STPG4: variants seen among roughly 807,000 people sequenced by gnomAD.
STPG4 encodes protein STPG4.
In STPG4, 41 loss-of-function variants were observed where a neutral mutation model predicts 31.5. The ratio of observed to expected loss-of-function variants is 1.30; its 90% CI spans 1.01 to 1.69. STPG4 has a LOEUF of 1.69. Among genes scored for constraint, STPG4 ranks in the 40% most tolerant of loss-of-function variants. The probability of loss-of-function intolerance (pLI) is 0.00; values close to 1 mark genes in which losing one functional copy is unlikely to be tolerated. For missense variants in STPG4, 375 were observed against 293.4 expected, an observed-to-expected ratio of 1.28 and a Z score of -2.03; for synonymous variants, 141 against 103.0, an observed-to-expected ratio of 1.37 and a Z score of -2.24.
chr2:47,125,483 C>T (rs1390715950), intron 5 of STPG4, among the ~76,000 whole-genome samples: 1 of 152,108 alleles, frequency 6.6e-6, no homozygotes, highest in Non-Finnish European at 1.5e-5. Context: ...GTTATTAATC[C>T]TTTGTCAGAC....
At chr2:47,152,614 G>A (rs1686960182) in intron 2 of STPG4, among the ~76,000 whole-genome samples, 1 of 152,086 alleles carries the variant, frequency 6.6e-6, no homozygotes, top group African/African-American at 2.4e-5. Flanking sequence ...TACCATATAA[G>A]ATAAAAACTG....
intron 5 of STPG4, among the ~76,000 whole-genome samples, chr2:47,092,478 T>C (rs768346018): frequency 8.8e-5 from 13 of 147,622 alleles, no homozygotes; most frequent in Non-Finnish European, 1.9e-4. Flanking sequence ...CAGTGAGCCA[T>C]GATCATGTCA....
At chr2:47,111,289 T>A (rs958261771) in intron 5 of STPG4, among the ~76,000 whole-genome samples, 1 of 152,162 alleles carries the variant, frequency 6.6e-6, no homozygotes, top group Non-Finnish European at 1.5e-5. Context: ...GATTAATAAG[T>A]AGTCATCAAA....
chr2:47,142,682 GA>G (rs1283888034), intron 3 of STPG4, among the ~76,000 whole-genome samples: 3 of 151,810 alleles, frequency 2.0e-5, no homozygotes, highest in African/African-American at 7.3e-5. Context: ...TTTCTCAGGG[GA>G]AAAAAGTATG....
intron 5 of STPG4, among the ~76,000 whole-genome samples, chr2:47,125,186 C>T (rs1002643249): frequency 2.9e-4 from 44 of 152,068 alleles, no homozygotes; most frequent in African/African-American, 1.0e-3. Context: ...TTTGGGAGGC[C>T]AAGGTGGGCA....
chr2:47,130,319 A>T, intron 3 of STPG4, 59 bp from the exon 4 acceptor site: 4 of 1,346,858 alleles, frequency 3.0e-6, no homozygotes. Context: ...TCACTTCGTT[A>T]TCTGTCATTC....
chr2:47,112,298 C>G (rs1686054220), intron 5 of STPG4, among the ~76,000 whole-genome samples: 1 of 151,988 alleles, frequency 6.6e-6, no homozygotes, highest in Non-Finnish European at 1.5e-5. Context: ...TCCCAAGTAG[C>G]TGGGATTACA....
chr2:47,152,979 C>T lies in STPG4; in HGVS notation c.119G>A (p.Gly40Glu), dbSNP rs760886753. ...AQKTSSFERE[G>E]WWRIALTDTP... Reference sequence around the variant, plus strand: ...TACTGTTAATGCTATTCTCCACCATCCTTCTCTTTCAAAAGAGGAAGTCTT... The same window carrying T: ...TACTGTTAATGCTATTCTCCACCATTCTTCTCTTTCAAAAGAGGAAGTCTT... Residue 40 changes from glycine (G) to glutamate (E), a missense_variant, in exon 2 of 7, where the codon GGA becomes GAA. By Grantham distance (98) the Gly-to-Glu change is moderately conservative. Coordinates refer to ENST00000445927, the MANE Select transcript of STPG4 (RefSeq NM_001163561.2). 60 of 1,611,566 alleles carry T rather than the reference C, an allele frequency of 3.7e-5. 2 individuals carry two copies. The East Asian group carries it at 1.3e-3, about 36-fold the overall frequency.
Position 47,093,569 on chromosome 2 carries a change from C to T in STPG4, c.520-3195G>A, listed in dbSNP as rs544853126. ...GGCCATCTGCAGAATGGCTAAGGAGCGACCTGCCCCTTTTCCCCAGGCCTA... is the reference window on the plus strand; with the variant it reads ...GGCCATCTGCAGAATGGCTAAGGAGTGACCTGCCCCTTTTCCCCAGGCCTA... On this transcript the variant is annotated intron_variant, in intron 5 of 6. Coordinates refer to ENST00000445927, the MANE Select transcript of STPG4 (RefSeq NM_001163561.2). Among the ~76,000 whole-genome samples, 25 of 152,260 alleles carry T rather than the reference C, an allele frequency of 1.6e-4. 1 individual carries two copies. Among genetic ancestry groups the T allele is most frequent in the African/African-American group, 4.3e-4 (18 of 41,536 alleles).
chr2:47,151,216 A>T, intron 3 of STPG4, 42 bp downstream of exon 3: 1 of 1,606,988 alleles, frequency 6.2e-7, no homozygotes. Context: ...AGGGGCTCTT[A>T]GTAGCTTTCC....
At chr2:47,154,634 G>T (rs576812429) in intron 1 of STPG4, among the ~76,000 whole-genome samples, 1 of 152,378 alleles carries the variant, frequency 6.6e-6, no homozygotes, top group African/African-American at 2.4e-5. Flanking sequence ...GGGAGGCTGA[G>T]GCAGGAGAAT....
chr2:47,153,313 GAA>G (rs561117983), intron 1 of STPG4, among the ~76,000 whole-genome samples: 15 of 152,318 alleles, frequency 9.8e-5, no homozygotes, highest in East Asian at 3.9e-4. Flanking sequence ...TCCTTAGGAA[GAA>G]AAGAGTTAGG....
chr2:47,087,460 G>GC (rs1000273684), intron 6 of STPG4, among the ~76,000 whole-genome samples: 7 of 152,208 alleles, frequency 4.6e-5, no homozygotes, highest in Admixed American at 1.3e-4. Flanking sequence ...CTTGGCCCAG[G>GC]CAACTCCTAT....
chr2:47,150,514 A>C (rs1319938831), intron 3 of STPG4, among the ~76,000 whole-genome samples: 2 of 150,470 alleles, frequency 1.3e-5, no homozygotes, highest in Non-Finnish European at 1.5e-5. Flanking sequence ...TTTTTTTTTT[A>C]ATTAAAAAAA....
intron 5 of STPG4, among the ~76,000 whole-genome samples, chr2:47,100,822 C>T (rs1195953882): frequency 6.6e-6 from 1 of 151,572 alleles, no homozygotes; most frequent in African/African-American, 2.4e-5. Flanking sequence ...GCCAGTGATA[C>T]CACGAACCCA....
At chr2:47,138,538 C>T (rs574578292) in intron 3 of STPG4, among the ~76,000 whole-genome samples, 12 of 151,862 alleles carry the variant, frequency 7.9e-5, no homozygotes, top group African/African-American at 2.4e-4. Context: ...ATTACAGGCA[C>T]CCGCCACCAT....
Position 47,129,855 on chromosome 2 carries a change from A to T in STPG4, c.519+86T>A, listed in dbSNP as rs544013383. ...GGGGGAACGATCACTGGAGGGTTCT[A>T]TGTGGCCACCTTGCTCCACTCCAGA... On this transcript the variant is annotated intron_variant, in intron 5 of 6. Transcript: ENST00000445927. 3.9e-6 allele frequency: 6 copies of T among 1,556,138 alleles called. No individual in the cohort carries two copies. The African/African-American group carries it at 5.5e-5, about 14-fold the overall frequency.
chr2:47,102,858 A>G (rs1474486281), intron 5 of STPG4, among the ~76,000 whole-genome samples: 1 of 151,854 alleles, frequency 6.6e-6, no homozygotes, highest in Non-Finnish European at 1.5e-5. Context: ...GGAGGTTTTC[A>G]GATGATCCTG....
chr2:47,093,501 G>C (rs1384422660), intron 5 of STPG4, among the ~76,000 whole-genome samples: 1 of 152,244 alleles, frequency 6.6e-6, no homozygotes, highest in Non-Finnish European at 1.5e-5. Context: ...GCTGGGGCAA[G>C]AGATGATGCT....
Sources: allele counts gnomAD v4.1 joint callset (sites outside exome capture counted in the v4.1 genomes callset), GRCh38; gene constraint gnomAD v4.1.1; transcripts MANE v1.5; gene names NCBI Gene and HGNC (gene_info 2026-07-23, HGNC 2026-07-21).